Variants in LAMA1 observed in about 807,000 individuals in gnomAD.
LAMA1 encodes laminin subunit alpha 1, also known as laminin subunit alpha-1.
In LAMA1, 219 loss-of-function variants were observed where a neutral mutation model predicts 348.7. The ratio of observed to expected loss-of-function variants is 0.63; its 90% CI spans 0.56 to 0.70. The LOEUF is 0.70. LAMA1 is among the 30% of genes least tolerant of loss of function. The pLI, the probability that LAMA1 is intolerant of heterozygous loss-of-function variation, is 0.00. For synonymous variants in LAMA1, 1,487 were observed against 1,491.0 expected (o/e 1.00, Z 0.06); for missense variants, 3,744 against 3,888.0 (o/e 0.96, Z 0.99).
rs774615256 is a variant in LAMA1 at position 6,999,992 on chromosome 18, C to T, written c.4388G>A (p.Ser1463Asn). 6.2e-7 allele frequency: 1 copy of T among 1,612,172 alleles called. No homozygotes were observed. Among genetic ancestry groups the T allele is most frequent in the Admixed American group, 1.7e-5 (1 of 60,008 alleles). ...ACPHSPPASF[S>N]PTCVLEGDHD... ...GTCCCCTTCCAAGACACAAGTGGGACTAAAACTGGAGGAAAAGAATTTCTT... is the reference window on the plus strand; with the variant it reads ...GTCCCCTTCCAAGACACAAGTGGGATTAAAACTGGAGGAAAAGAATTTCTT... Residue 1463 changes from serine (S) to asparagine (N), a missense_variant, in exon 31 of 63, where the codon AGT (serine) becomes AAT (asparagine). This residue lies in a region of LAMA1 where 1,983 missense variants were observed against 1,934.3 expected (regional missense o/e 1.03). Transcript: ENST00000389658.
At chr18:7,016,750 C>T in intron 20 of LAMA1, 79 bp from the exon 21 acceptor site, 1 of 1,251,738 alleles carries the variant, frequency 8.0e-7, no homozygotes. Flanking sequence ...TGTTCCAGAA[C>T]ACACACAGGG....
intron 15 of LAMA1, 84 bp downstream of exon 15, chr18:7,032,900 T>C: frequency 2.9e-6 from 3 of 1,019,462 alleles, no homozygotes; most frequent in Non-Finnish European, 4.5e-6. Flanking sequence ...AAAAATCAAA[T>C]GTTTGCCATG....
Position 7,042,261 on chromosome 18 carries a change from G to C in LAMA1, c.1156-11C>G, listed in dbSNP as rs1485466475. On this transcript the variant is annotated splice_polypyrimidine_tract_variant and intron_variant, in intron 8 of 62. Coordinates refer to ENST00000389658, the MANE Select transcript of LAMA1 (RefSeq NM_005559.4). ...CTCATAAGGAGACACCTGAAAGGCA[G>C]AGGTTGCCCTGGATTCTCTTACTAG... The C allele has an allele frequency of 6.5e-7, 1 of 1,543,068 alleles. No homozygotes were observed. The highest frequency in any genetic ancestry group is 1.7e-5 in the Admixed American group (1 of 59,020).
chr18:6,999,082 T>C (rs1343340616), intron 32 of LAMA1, among the ~76,000 whole-genome samples: 1 of 151,978 alleles, frequency 6.6e-6, no homozygotes, highest in East Asian at 1.9e-4. Flanking sequence ...GTGGAAGCTA[T>C]CATGAAATTG....
intron 18 of LAMA1, among the ~76,000 whole-genome samples, chr18:7,024,046 G>A (rs76925768): frequency 6.0e-5 from 9 of 151,072 alleles, no homozygotes; most frequent in Admixed American, 1.3e-4. Context: ...GTTTTACCAC[G>A]TTGGTCAGGC....
chr18:7,003,257 T>G (rs935327779), intron 29 of LAMA1, among the ~76,000 whole-genome samples: 3 of 64,206 alleles, frequency 4.7e-5, no homozygotes, highest in Non-Finnish European at 9.0e-5. Flanking sequence ...TTTTGGTTGT[T>G]TTTTTTTTTT....
intron 3 of LAMA1, among the ~76,000 whole-genome samples, chr18:7,053,880 C>T (rs1480214253): frequency 1.3e-5 from 2 of 151,528 alleles, no homozygotes; most frequent in Non-Finnish European, 2.9e-5. Context: ...ACCTCCTGGG[C>T]TCAAGTGATC....
intron 48 of LAMA1, among the ~76,000 whole-genome samples, chr18:6,970,205 T>A: frequency 6.6e-6 from 1 of 152,158 alleles, no homozygotes; most frequent in Non-Finnish European, 1.5e-5. Flanking sequence ...GCAGGGTGTG[T>A]CATTACCTCA....
At chr18:6,998,010 C>T (rs1032084162) in intron 32 of LAMA1, 126 bp from the exon 33 acceptor site, 4 of 820,204 alleles carry the variant, frequency 4.9e-6, no homozygotes, top group East Asian at 2.5e-5. Flanking sequence ...TCCAAGACCC[C>T]GTGCACCACA....
chr18:7,064,484 T>G (rs1451849053), intron 3 of LAMA1, among the ~76,000 whole-genome samples: 1 of 152,156 alleles, frequency 6.6e-6, no homozygotes, highest in East Asian at 1.9e-4. Flanking sequence ...TTCGGTCACA[T>G]TCTTACTGAG....
At chr18:7,109,360 A>T (rs2058326669) in intron 1 of LAMA1, among the ~76,000 whole-genome samples, 1 of 152,188 alleles carries the variant, frequency 6.6e-6, no homozygotes, top group African/African-American at 2.4e-5. Flanking sequence ...TAAGGTTTTG[A>T]TCTTCGAAAC....
intron 35 of LAMA1, 43 bp from the exon 36 acceptor site, chr18:6,992,763 G>A (rs1292688823): frequency 1.3e-6 from 2 of 1,545,610 alleles, no homozygotes; most frequent in South Asian, 2.2e-5. Flanking sequence ...CCTCTCAAAA[G>A]TGGCTAGTAC....
Position 6,999,435 on chromosome 18 carries a change from A to T in LAMA1, c.4663+10T>A. On this transcript the variant is annotated intron_variant, in intron 32 of 62. Coordinates refer to ENST00000389658, the MANE Select transcript of LAMA1 (RefSeq NM_005559.4). ...AACCATCTTTACACATTTAGAGGAGAAATACTCACAAACACAATCTGTTTC... is the reference window on the plus strand; with the variant it reads ...AACCATCTTTACACATTTAGAGGAGTAATACTCACAAACACAATCTGTTTC... 6.2e-7 allele frequency: 1 copy of T among 1,614,112 alleles called. No homozygotes were observed. The highest frequency in any genetic ancestry group is 8.5e-7 in the Non-Finnish European group (1 of 1,179,992).
At chr18:7,024,576 A>G in intron 17 of LAMA1, 110 bp from the exon 18 acceptor site, 3 of 881,950 alleles carry the variant, frequency 3.4e-6, no homozygotes, top group South Asian at 2.9e-5. Flanking sequence ...CTTCAATGAG[A>G]CCTCCTTAGC....
At chr18:7,110,936 T>C (rs906947792) in intron 1 of LAMA1, among the ~76,000 whole-genome samples, 2 of 149,266 alleles carry the variant, frequency 1.3e-5, no homozygotes, top group African/African-American at 4.9e-5. Context: ...AATCATCTGC[T>C]AAATTTAAGC....
Position 6,941,769 on chromosome 18 carries a change from CTT to C in LAMA1, c.*308_*309del. 2.7e-6 allele frequency: 1 copy of C among 366,946 alleles called. No homozygotes were observed. Among genetic ancestry groups the C allele is most frequent in the Non-Finnish European group, 5.2e-6 (1 of 192,112 alleles). 22.7% of individuals were successfully genotyped at this position (366,946 alleles called of 1,614,324 possible). Reference sequence around the variant, plus strand: ...TGATCTGTTATCATCTGTATTGATACTTTTTTAAAAAGCTCAAAATGAAAAAC... The same window carrying C: ...TGATCTGTTATCATCTGTATTGATACTTTTAAAAAGCTCAAAATGAAAAAC... On this transcript the variant is annotated 3_prime_UTR_variant, in exon 63 of 63. Coordinates refer to ENST00000389658, the MANE Select transcript of LAMA1 (RefSeq NM_005559.4).
chr18:7,068,010 T>C (rs1272283326), intron 3 of LAMA1, among the ~76,000 whole-genome samples: 3 of 152,132 alleles, frequency 2.0e-5, no homozygotes, highest in East Asian at 1.9e-4. Context: ...TGCACCACCA[T>C]GCCTGGCTAA....
intron 19 of LAMA1, among the ~76,000 whole-genome samples, chr18:7,021,476 T>G (rs960068803): frequency 2.6e-5 from 4 of 152,178 alleles, no homozygotes; most frequent in Admixed American, 6.6e-5. Flanking sequence ...CCTTTTCAAT[T>G]GTAAATTTTC....
chr18:7,083,552 T>C, intron 1 of LAMA1, among the ~76,000 whole-genome samples: 1 of 152,128 alleles, frequency 6.6e-6, no homozygotes, highest in Admixed American at 6.5e-5. Flanking sequence ...AGAAATATAC[T>C]TCATTAGCAT....
Sources: gnomAD v4.1 joint callset for allele counts (sites outside exome capture counted in the v4.1 genomes callset) on GRCh38, gnomAD v4.1.1 for gene constraint, gnomAD v4.1.1 regional missense constraint, MANE v1.5 for transcripts, NCBI Gene and HGNC (gene_info 2026-07-23, HGNC 2026-07-21) for gene names.